CD1B: variants seen among roughly 807,000 people sequenced by gnomAD.
CD1B encodes CD1b molecule, also known as T-cell surface glycoprotein CD1b.
Under a neutral mutation model 39.8 loss-of-function variants are expected in CD1B, and 43 were observed. That is an observed-to-expected ratio of 1.08 (90% CI 0.85 to 1.39). The LOEUF is 1.39. CD1B is among the 40% of genes most tolerant of loss of function. The pLI, the probability that CD1B is intolerant of heterozygous loss-of-function variation, is 0.00. For synonymous variants in CD1B, 192 were observed against 152.5 expected (o/e 1.26, Z -1.91); for missense variants, 495 against 403.8 (o/e 1.23, Z -1.94).
chr1:158,311,349 C>G, the CD1B span, among the ~76,000 whole-genome samples: 1 of 152,006 alleles, frequency 6.6e-6, no homozygotes. Flanking sequence ...CTAATCAGGT[C>G]TTTTGCCCTT....
At chr1:158,323,153 A>G (rs978533830), downstream of CD1B, among the ~76,000 whole-genome samples, 8 of 152,022 alleles carry the variant, frequency 5.3e-5, no homozygotes, top group Admixed American at 5.2e-4. Context: ...ATAGTATCCC[A>G]TAGACTCCAT....
At chr1:158,296,508 G>A in the CD1B span, among the ~76,000 whole-genome samples, 24 of 152,288 alleles carry the variant, frequency 1.6e-4, no homozygotes, top group Middle Eastern at 3.4e-3. Flanking sequence ...GAAAGAACCC[G>A]TGGAAGAACT....
the CD1B span, among the ~76,000 whole-genome samples, chr1:158,322,697 C>T: frequency 6.6e-6 from 1 of 152,072 alleles, no homozygotes; most frequent in Non-Finnish European, 1.5e-5. Flanking sequence ...GGTGGTGTTG[C>T]ATTTACTTGG....
At chr1:158,307,929 C>G in the CD1B span, among the ~76,000 whole-genome samples, 2 of 152,284 alleles carry the variant, frequency 1.3e-5, no homozygotes, top group East Asian at 1.9e-4. Context: ...TGGCACAAGA[C>G]AGGGATGCCC....
intron 4 of CD1B, 77 bp downstream of exon 4, chr1:158,329,293 A>G (rs1330093222): frequency 5.3e-6 from 8 of 1,522,872 alleles, no homozygotes; most frequent in Non-Finnish European, 7.2e-6. Context: ...CTCAAGCTCT[A>G]TCCTTCCCCA....
the CD1B span, among the ~76,000 whole-genome samples, chr1:158,317,951 G>A: frequency 6.6e-6 from 1 of 152,168 alleles, no homozygotes; most frequent in African/African-American, 2.4e-5. Flanking sequence ...AGGTTGTTCA[G>A]TTTCCATGTA....
At chr1:158,289,330 T>C in the CD1B span, among the ~76,000 whole-genome samples, 1 of 152,246 alleles carries the variant, frequency 6.6e-6, no homozygotes, top group Non-Finnish European at 1.5e-5. Context: ...TGAATGACTA[T>C]ACAGATTAAA....
the CD1B span, chr1:158,291,090 T>C: frequency 5.4e-4 from 680 of 1,256,598 alleles, 1 homozygote; most frequent in African/African-American, 2.2e-4. Flanking sequence ...TTGCCTCTCT[T>C]TTTTTTTTTT....
chr1:158,288,566 A>AT, the CD1B span, among the ~76,000 whole-genome samples: 10 of 152,112 alleles, frequency 6.6e-5, no homozygotes, highest in South Asian at 4.2e-4. Flanking sequence ...CAACTTTTTA[A>AT]TTTTTTTATC....
the CD1B span, among the ~76,000 whole-genome samples, chr1:158,285,458 G>T: frequency 1.3e-5 from 2 of 152,130 alleles, no homozygotes; most frequent in Non-Finnish European, 2.9e-5. Context: ...GAATGAATGG[G>T]TAGGGAGTTT....
the CD1B span, chr1:158,289,769 A>T: frequency 6.9e-6 from 2 of 291,530 alleles, no homozygotes; most frequent in Non-Finnish European, 6.4e-6. Context: ...TTTCAATGCC[A>T]TACACCACTT....
rs747947570 is a variant in CD1B at position 158,330,149 on chromosome 1, G to T, written c.329-19C>A. 5.1e-6 allele frequency: 8 copies of T among 1,567,806 alleles called. No individual in the cohort carries two copies. Among genetic ancestry groups the T allele is most frequent in the Non-Finnish European group, 6.9e-6 (8 of 1,162,044 alleles). ...AAGGGGTCTATGTAGAGGGAAAAGAGAGCAAGTTATTAAACACAAATAAGA... is the reference window on the plus strand; with the variant it reads ...AAGGGGTCTATGTAGAGGGAAAAGATAGCAAGTTATTAAACACAAATAAGA... On this transcript the variant is annotated intron_variant, in intron 2 of 5. Transcript: ENST00000368168.
chr1:158,331,523 C>G lies in CD1B; in HGVS notation c.-100G>C. The G allele has an allele frequency of 1.1e-6, 1 of 935,382 alleles. No homozygotes were observed. The highest frequency in any genetic ancestry group is 1.7e-6 in the Non-Finnish European group (1 of 587,324). The allele number at this position is 935,382 out of a possible 1,614,324, so 57.9% of individuals were successfully genotyped here. On this transcript the variant is annotated 5_prime_UTR_variant, in exon 1 of 6. Transcript: ENST00000368168. ...ACCCTGTAGTGACTTCTTCTCTCTT[C>G]CAACTGCCAAATCTCTTCCTCATCC...
the CD1B span, among the ~76,000 whole-genome samples, chr1:158,314,092 T>G: frequency 6.6e-6 from 1 of 152,152 alleles, no homozygotes; most frequent in Non-Finnish European, 1.5e-5. Flanking sequence ...CAGGTTTTGT[T>G]TTTGATTTTT....
At chr1:158,330,538 T>C (rs1652556609) in intron 2 of CD1B, 2 of 657,988 alleles carry the variant, frequency 3.0e-6, no homozygotes, top group Non-Finnish European at 5.6e-6. Context: ...GAGGAGAAGT[T>C]TCACATAAGA....
the CD1B span, chr1:158,293,325 TCTC>T: frequency 6.2e-7 from 1 of 1,600,946 alleles, no homozygotes; most frequent in Non-Finnish European, 8.6e-7. Flanking sequence ...TATTTCCTCC[TCTC>T]CTCCCAGTTT....
the CD1B span, chr1:158,291,473 T>A: frequency 1.3e-6 from 2 of 1,508,072 alleles, no homozygotes; most frequent in East Asian, 4.5e-5. Flanking sequence ...CTACTAATTT[T>A]TGGGCCATTT....
intron 5 of CD1B, among the ~76,000 whole-genome samples, 154 bp downstream of exon 5, chr1:158,328,767 T>C (rs1652460635): frequency 6.6e-6 from 1 of 152,158 alleles, no homozygotes; most frequent in Non-Finnish European, 1.5e-5. Flanking sequence ...AGAATTTTTT[T>C]TAAGTCCACA....
chr1:158,320,872 AC>A, the CD1B span, among the ~76,000 whole-genome samples: 3 of 152,154 alleles, frequency 2.0e-5, no homozygotes, highest in Non-Finnish European at 4.4e-5. Flanking sequence ...GTTGAAAAAA[AC>A]ATTTTTTGAT....
Sources: allele counts gnomAD v4.1 joint callset (sites outside exome capture counted in the v4.1 genomes callset), GRCh38; gene constraint gnomAD v4.1.1; transcripts MANE v1.5; gene names NCBI Gene and HGNC (gene_info 2026-07-23, HGNC 2026-07-21).